The following PDE10A variants were observed in gnomAD, a reference collection of about 807,000 sequenced individuals.
PDE10A encodes the protein phosphodiesterase 10A, also known as cAMP and cAMP-inhibited cGMP 3',5'-cyclic phosphodiesterase 10A.
A neutral mutation model predicts 97.7 loss-of-function variants in PDE10A; 39 were observed. The ratio of observed to expected loss-of-function variants is 0.40; its 90% CI spans 0.31 to 0.52. The LOEUF is 0.52. Among genes scored for constraint, PDE10A ranks in the 20% least tolerant of loss-of-function variants. The pLI, the probability that PDE10A is intolerant of heterozygous loss-of-function variation, is 0.56. For synonymous variants in PDE10A, 371 were observed against 376.8 expected (o/e 0.98, Z 0.18); for missense variants, 731 against 1,047.8 (o/e 0.70, Z 4.17).
At chr6:165,431,598 T>C (rs1789578472) in intron 7 of PDE10A, 126 bp from the exon 8 acceptor site, 1 of 287,750 alleles carries the variant, frequency 3.5e-6, no homozygotes. Context: ...TAGTATACTA[T>C]ATATAATATA....
At chr6:165,960,994 C>T (rs1784342111) in intron 1 of PDE10A, among the ~76,000 whole-genome samples, 1 of 152,008 alleles carries the variant, frequency 6.6e-6, no homozygotes, top group Non-Finnish European at 1.5e-5. Context: ...GGGAGTGTGG[C>T]AGAACGCATA....
intron 1 of PDE10A, among the ~76,000 whole-genome samples, chr6:165,568,072 C>G (rs1206252876): frequency 6.9e-6 from 1 of 143,892 alleles, no homozygotes; most frequent in Non-Finnish European, 1.5e-5. Flanking sequence ...AATCTTGGCT[C>G]ACTGCAAGCT....
At chr6:165,512,205 T>C (rs1781544830) in intron 2 of PDE10A, among the ~76,000 whole-genome samples, 1 of 151,964 alleles carries the variant, frequency 6.6e-6, no homozygotes, top group Non-Finnish European at 1.5e-5. Flanking sequence ...GTGAGTTTTA[T>C]ACTTTTATAT....
chr6:165,379,655 T>C (rs575046271), intron 17 of PDE10A, among the ~76,000 whole-genome samples: 1 of 152,310 alleles, frequency 6.6e-6, no homozygotes, highest in East Asian at 1.9e-4. Context: ...TATATCTAGT[T>C]CTTGGATATT....
rs202088826 is a variant in PDE10A at position 165,794,715 on chromosome 6, AACC to A, written c.-615+192811_-615+192813del. Among the ~76,000 whole-genome samples the A allele has an allele frequency of 1.8e-3, 267 of 152,302 alleles. 2 individuals are homozygous for A. Among genetic ancestry groups the A allele is most frequent in the Non-Finnish European group, 2.9e-3 (195 of 68,038 alleles). On this transcript the variant is annotated intron_variant, in intron 1 of 19. Coordinates refer to the PDE10A transcript ENST00000366882. ...TTTTCTCATTTCACCCACACAAAAA[AACC>A]ACTAGTTTTGAAACAATTAGATTCC...
intron 1 of PDE10A, among the ~76,000 whole-genome samples, chr6:165,863,047 T>C (rs1046756747): frequency 2.6e-5 from 4 of 152,236 alleles, no homozygotes; most frequent in African/African-American, 9.6e-5. Flanking sequence ...ATCTCTACAG[T>C]GCCTTTTAGT....
intron 1 of PDE10A, among the ~76,000 whole-genome samples, chr6:165,794,345 ACT>A (rs1400341284): frequency 2.0e-5 from 3 of 150,124 alleles, no homozygotes; most frequent in African/African-American, 7.4e-5. Context: ...AAACACCCAG[ACT>A]CACACAGATG....
intron 1 of PDE10A, among the ~76,000 whole-genome samples, chr6:165,692,963 T>C (rs561163490): frequency 6.6e-6 from 1 of 152,294 alleles, no homozygotes; most frequent in African/African-American, 2.4e-5. Flanking sequence ...CAGAAAACTG[T>C]CCCTCCCTTA....
At chr6:165,640,611 A>G (rs1274011806) in intron 1 of PDE10A, among the ~76,000 whole-genome samples, 2 of 152,142 alleles carry the variant, frequency 1.3e-5, no homozygotes, top group African/African-American at 4.8e-5. Context: ...GTGTTCCTCT[A>G]CCTCTTCCCT....
chr6:165,772,525 G>T (rs1778042390), intron 1 of PDE10A, among the ~76,000 whole-genome samples: 2 of 152,154 alleles, frequency 1.3e-5, no homozygotes. Flanking sequence ...GCGTTGCCAT[G>T]GGGTCATTAT....
chr6:165,430,642 A>G (rs1789486574), intron 8 of PDE10A, among the ~76,000 whole-genome samples: 2 of 152,092 alleles, frequency 1.3e-5, no homozygotes, highest in Admixed American at 1.3e-4. Context: ...TTCAGAATTA[A>G]TAAGTGATAG....
chr6:165,520,942 T>C (rs1782092748), intron 2 of PDE10A, among the ~76,000 whole-genome samples: 2 of 152,054 alleles, frequency 1.3e-5, no homozygotes, highest in Non-Finnish European at 1.5e-5. Context: ...TGCATTTCAT[T>C]GTGCTTTGCT....
intron 1 of PDE10A, among the ~76,000 whole-genome samples, chr6:165,817,244 G>C (rs1319025315): frequency 6.6e-6 from 1 of 152,084 alleles, no homozygotes; most frequent in Non-Finnish European, 1.5e-5. Flanking sequence ...ATCTCAGTCT[G>C]ACAGCTTCTG....
chr6:165,619,544 GTAGTGTAGTC>G (rs1788001067), intron 1 of PDE10A, among the ~76,000 whole-genome samples: 1 of 138,254 alleles, frequency 7.2e-6, no homozygotes, highest in Non-Finnish European at 1.6e-5. Flanking sequence ...CTAATGTAGT[GTAGTGTAGTC>G]TAGTGTAGTA....
intron 1 of PDE10A, among the ~76,000 whole-genome samples, chr6:165,615,557 A>G (rs1340481982): frequency 6.6e-6 from 1 of 152,242 alleles, no homozygotes; most frequent in African/African-American, 2.4e-5. Flanking sequence ...AACTTTTTAA[A>G]TGATAAATCA....
intron 3 of PDE10A, among the ~76,000 whole-genome samples, chr6:165,461,784 T>A (rs541980554): frequency 6.6e-6 from 1 of 152,360 alleles, no homozygotes; most frequent in Admixed American, 6.5e-5. Context: ...TAACCCATGT[T>A]AATGCCTCTG....
At chr6:165,389,596 T>G (rs535292635) in intron 16 of PDE10A, among the ~76,000 whole-genome samples, 6 of 152,264 alleles carry the variant, frequency 3.9e-5, no homozygotes, top group African/African-American at 1.4e-4. Context: ...GAGCTCACAT[T>G]TAGACTGAGG....
At chr6:165,405,957 T>G (rs1274475758) in intron 13 of PDE10A, among the ~76,000 whole-genome samples, 1 of 152,154 alleles carries the variant, frequency 6.6e-6, no homozygotes, top group Non-Finnish European at 1.5e-5. Context: ...GGATGTAGGG[T>G]CCATTAATTC....
chr6:165,956,725 CTCTCTGACATG>C (rs746773936), intron 1 of PDE10A, among the ~76,000 whole-genome samples: 1 of 152,204 alleles, frequency 6.6e-6, no homozygotes, highest in Non-Finnish European at 1.5e-5. Context: ...TGCGGGATTT[CTCTCTGACATG>C]TCTCTGACAT....
Sources: allele counts gnomAD v4.1 joint callset (sites outside exome capture counted in the v4.1 genomes callset), GRCh38; gene constraint gnomAD v4.1.1; transcripts MANE v1.5; gene names NCBI Gene and HGNC (gene_info 2026-07-23, HGNC 2026-07-21).